Variants in GNAI1 observed in about 807,000 individuals in gnomAD.
GNAI1 encodes the protein G protein subunit alpha i1, also known as guanine nucleotide-binding protein G(i) subunit alpha-1.
GNAI1 carries 11 observed loss-of-function variants against 38.9 expected under a neutral mutation model. The ratio of observed to expected loss-of-function variants is 0.28; its 90% CI spans 0.18 to 0.47. The LOEUF (loss-of-function observed/expected upper bound fraction) is 0.47. GNAI1 is among the 20% of genes least tolerant of loss of function. GNAI1 has a pLI of 0.99. For synonymous variants in GNAI1, 166 were observed against 145.1 expected (o/e 1.14, Z -1.04); for missense variants, 317 against 436.9 (o/e 0.73, Z 2.45).
chr7:80,143,925 C>T (rs376098708), intron 1 of GNAI1, among the ~76,000 whole-genome samples: 4,381 of 126,580 alleles, frequency 0.035, 74 homozygotes, highest in Non-Finnish European at 0.039. Context: ...TGTGTGTGCG[C>T]GCGTGTGTGT....
chr7:80,213,744 CT>C (rs1053139186), intron 7 of GNAI1, among the ~76,000 whole-genome samples: 32 of 151,432 alleles, frequency 2.1e-4, no homozygotes, highest in African/African-American at 6.8e-4. Flanking sequence ...TTCAGTATGC[CT>C]TAAAAAAACA....
intron 1 of GNAI1, among the ~76,000 whole-genome samples, chr7:80,141,565 A>G (rs2116072450): frequency 6.6e-6 from 1 of 152,304 alleles, no homozygotes; most frequent in African/African-American, 2.4e-5. Context: ...CCCTGTGGGT[A>G]CTGAACTTCT....
At chr7:80,136,659 A>G (rs1479930988) in intron 1 of GNAI1, among the ~76,000 whole-genome samples, 3 of 152,170 alleles carry the variant, frequency 2.0e-5, no homozygotes, top group Non-Finnish European at 4.4e-5. Context: ...AGGTTAGTGT[A>G]TGTACTTCTC....
intron 6 of GNAI1, among the ~76,000 whole-genome samples, 157 bp downstream of exon 6, chr7:80,211,255 G>A (rs1003638825): frequency 3.9e-5 from 6 of 152,094 alleles, no homozygotes; most frequent in Non-Finnish European, 7.4e-5. Flanking sequence ...AAGCACAGGT[G>A]GATCTTGAGG....
intron 1 of GNAI1, 161 bp downstream of exon 1, chr7:80,135,439 C>G (rs1180846973): frequency 9.2e-6 from 4 of 434,492 alleles, no homozygotes; most frequent in Middle Eastern, 5.9e-4. Context: ...GCGGGTCCCC[C>G]TCTCCCGGTG....
At chr7:80,153,457 C>T (rs111704838) in intron 1 of GNAI1, among the ~76,000 whole-genome samples, 25 of 152,114 alleles carry the variant, frequency 1.6e-4, no homozygotes, top group Non-Finnish European at 2.5e-4. Context: ...CACAAGTTAA[C>T]TTGGAATAAT....
At position 80,221,636 on chromosome 7, in the gene GNAI1, C is replaced by CTTTTTTTTTTTTTTTTTTTTTTTTT. The variant is rs71518978; in HGVS notation, c.*4144_*4168dup. Among the ~76,000 whole-genome samples, 1 of 94,354 alleles carries CTTTTTTTTTTTTTTTTTTTTTTTTT rather than the reference C, an allele frequency of 1.1e-5. No homozygotes were observed. Among genetic ancestry groups the CTTTTTTTTTTTTTTTTTTTTTTTTT allele is most frequent in the Non-Finnish European group, 2.0e-5 (1 of 50,536 alleles). The allele number at this position is 94,354 out of a possible 152,430, so 61.9% of individuals were successfully genotyped here. Reference sequence around the variant, plus strand: ...ATTTTAATGTTAGGTTGGAAATTTTCTTTTTTTTTTTTTTTTTTTTTTTTT... The same window carrying CTTTTTTTTTTTTTTTTTTTTTTTTT: ...ATTTTAATGTTAGGTTGGAAATTTTCTTTTTTTTTTTTTTTTTTTTTTTTTTTTTTTTTTTTTTTTTTTTTTTTTT... On this transcript the variant is annotated 3_prime_UTR_variant, in exon 8 of 8. Coordinates refer to ENST00000649796, the MANE Select transcript of GNAI1 (RefSeq NM_002069.6).
chr7:80,196,291 T>C (rs1368272184), intron 3 of GNAI1, among the ~76,000 whole-genome samples: 2 of 152,016 alleles, frequency 1.3e-5, no homozygotes, highest in African/African-American at 2.4e-5. Context: ...TTCTGTCAAA[T>C]AATTGCCTGG....
At chr7:80,196,702 G>A (rs1788580854) in intron 3 of GNAI1, among the ~76,000 whole-genome samples, 1 of 151,780 alleles carries the variant, frequency 6.6e-6, no homozygotes, top group African/African-American at 2.4e-5. Flanking sequence ...TGTTTTCCTG[G>A]TCAGATTTAT....
chr7:80,161,860 A>G (rs923530804), intron 1 of GNAI1, among the ~76,000 whole-genome samples: 2 of 152,170 alleles, frequency 1.3e-5, no homozygotes, highest in African/African-American at 4.8e-5. Flanking sequence ...ATTGAAAGTC[A>G]CTGGAAAGAT....
At chr7:80,177,635 C>T (rs1411545354) in intron 1 of GNAI1, among the ~76,000 whole-genome samples, 1 of 152,076 alleles carries the variant, frequency 6.6e-6, no homozygotes, top group African/African-American at 2.4e-5. Context: ...AATGCCTGGC[C>T]AGTGTTTTTT....
At chr7:80,150,263 G>A (rs1220892412) in intron 1 of GNAI1, among the ~76,000 whole-genome samples, 1 of 151,956 alleles carries the variant, frequency 6.6e-6, no homozygotes, top group Non-Finnish European at 1.5e-5. Flanking sequence ...AATTTCAAAA[G>A]AACTAAATTA....
intron 1 of GNAI1, among the ~76,000 whole-genome samples, chr7:80,145,570 T>A (rs1251140657): frequency 6.6e-6 from 1 of 152,198 alleles, no homozygotes; most frequent in Admixed American, 6.5e-5. Context: ...GTGGTGAAAT[T>A]TCTATGTCTA....
chr7:80,172,274 T>G lies in GNAI1; in HGVS notation c.119-16677T>G, dbSNP rs912958127. ...GCCTGGAATGCCATGCTAAGAAGTT[T>G]GCATTAAAAAGTTGTTACAGATTTA... is the stretch of plus-strand genomic sequence containing the variant. On this transcript the variant is annotated intron_variant, in intron 1 of 7. Transcript: ENST00000649796. Among the ~76,000 whole-genome samples, 36 of 152,206 alleles carry G rather than the reference T, an allele frequency of 2.4e-4. 1 individual carries two copies. Among genetic ancestry groups the G allele is most frequent in the South Asian group, 2.1e-4 (1 of 4,834 alleles).
intron 1 of GNAI1, chr7:80,187,121 T>C (rs1327857904): frequency 1.3e-5 from 2 of 152,142 alleles, no homozygotes; most frequent in Non-Finnish European, 2.9e-5. Flanking sequence ...TTAGGGAGTT[T>C]TATCCTCAGA....
At chr7:80,203,153 A>G (rs1306579957) in intron 4 of GNAI1, among the ~76,000 whole-genome samples, 1 of 152,220 alleles carries the variant, frequency 6.6e-6, no homozygotes. Flanking sequence ...TAAAACATGT[A>G]TTGATTTAGA....
At position 80,170,665 on chromosome 7, in the gene GNAI1, G is replaced by A. The variant is rs551462971; in HGVS notation, c.119-18286G>A. On this transcript the variant is annotated intron_variant, in intron 1 of 7. Transcript: ENST00000649796. ...CTGGAGTAGGAGGAAGAGAGAGGCG[G>A]GAGGTGATATATACTTGTAAGAAAC... is the stretch of plus-strand genomic sequence containing the variant. Among the ~76,000 whole-genome samples the A allele has an allele frequency of 3.3e-5, 5 of 152,260 alleles. No individual in the cohort carries two copies. The South Asian group carries it at 1.0e-3, about 32-fold the overall frequency.
At chr7:80,167,331 T>C (rs1411099071) in intron 1 of GNAI1, among the ~76,000 whole-genome samples, 1 of 152,194 alleles carries the variant, frequency 6.6e-6, no homozygotes, top group Non-Finnish European at 1.5e-5. Flanking sequence ...GCGTATGCAG[T>C]TAGGTTCACT....
At chr7:80,185,702 C>T (rs746274317) in intron 1 of GNAI1, among the ~76,000 whole-genome samples, 5 of 152,156 alleles carry the variant, frequency 3.3e-5, no homozygotes, top group African/African-American at 4.8e-5. Flanking sequence ...CATCAGGCAA[C>T]GATGTGCAGC....
Sources: allele counts gnomAD v4.1 joint callset (sites outside exome capture counted in the v4.1 genomes callset), GRCh38; gene constraint gnomAD v4.1.1; transcripts MANE v1.5; gene names NCBI Gene and HGNC (gene_info 2026-07-23, HGNC 2026-07-21).